ADAR: variants seen among roughly 807,000 people sequenced by gnomAD.
ADAR encodes adenosine deaminase RNA specific.
Under a neutral mutation model 113.2 loss-of-function variants are expected in ADAR, and 41 were observed. That is an observed-to-expected ratio of 0.36 (90% confidence interval 0.28 to 0.47). The LOEUF (loss-of-function observed/expected upper bound fraction) is 0.47. ADAR is among the 20% of genes least tolerant of loss of function. The probability of loss-of-function intolerance (pLI) is 1.00; values close to 1 mark genes in which losing one functional copy is unlikely to be tolerated. For missense variants in ADAR, 1,242 were observed against 1,540.9 expected (o/e 0.81, Z 3.25); for synonymous variants, 605 against 572.6 (o/e 1.06, Z -0.81).
rs764385471 is a variant in ADAR at position 154,602,050 on chromosome 1, C to T, written c.592G>A (p.Ala198Thr). ...EAGTPPLWKI[A>T]VSTQAWNQHS... ...TGGTTCCAAGCCTGAGTGGAGACCG[C>T]GATTTTCCACAAAGGGGGTGTTCCT... The change falls in exon 2 of 15, where the codon GCG becomes ACG. Residue 198 changes from alanine to threonine, a missense_variant. Coordinates refer to ENST00000368474, the MANE Select transcript of ADAR (RefSeq NM_001111.5). 40 of 1,614,092 alleles carry T rather than the reference C, an allele frequency of 2.5e-5. No individual in the cohort carries two copies. Among genetic ancestry groups the T allele is most frequent in the Middle Eastern group, 3.3e-4 (2 of 6,084 alleles).
In ADAR at chr1:154,624,485, G is replaced by GT. The variant is rs752819183; in HGVS notation, c.-871+3369dup. Among the ~76,000 whole-genome samples the GT allele has an allele frequency of 1.1e-4, 16 of 152,276 alleles. No individual in the cohort carries two copies. The East Asian group carries it at 1.7e-3, about 17-fold the overall frequency. ...TATATGGATGGGTTATATAAATTTT[G>GT]TATGTTCCTAATAGTTCACTATACA... On this transcript the variant is annotated intron_variant, in intron 1 of 14. Transcript: ENST00000368471.
chr1:154,602,428 G>A lies in ADAR; in HGVS notation c.214C>T (p.Arg72Trp), dbSNP rs761657434. ...GCAAGTAGTACTGGAAACCTTGGCC[G>A]GAGTCCTGGGAGGGAAGGTGGCAGT... The part of the protein sequence containing the change: ...PSLPPSLPGL[R>W]PRFPVLLASS... The change falls in exon 2 of 15, where the codon CGG (arginine) becomes TGG (tryptophan). Residue 72 changes from arginine to tryptophan, a missense_variant. Physicochemically the swap from Arg to Trp is moderately radical, Grantham distance 101 (BLOSUM62 -3). Around this residue, in one of 2 missense-constraint regions of ADAR, gnomAD observed 462 missense variants for 483.1 expected, o/e 0.96. Coordinates refer to ENST00000368474, the MANE Select transcript of ADAR (RefSeq NM_001111.5). 60 of 1,609,688 alleles carry A rather than the reference G, an allele frequency of 3.7e-5. No individual in the cohort carries two copies. The highest frequency in any genetic ancestry group is 6.6e-5 in the South Asian group (6 of 90,530).
At chr1:154,593,276 A>G (rs1697285582) in intron 6 of ADAR, among the ~76,000 whole-genome samples, 1 of 152,220 alleles carries the variant, frequency 6.6e-6, no homozygotes, top group African/African-American at 2.4e-5. Flanking sequence ...GAGATAGTTA[A>G]TAAACGTAGT....
chr1:154,612,077 G>A (rs1166229525), upstream of ADAR, among the ~76,000 whole-genome samples: 4 of 152,124 alleles, frequency 2.6e-5, no homozygotes, highest in East Asian at 7.7e-4. Context: ...ACCTTACTGC[G>A]TGCAGGGATA....
chr1:154,589,516 C>A (rs1479882831), intron 8 of ADAR, 54 bp from the exon 9 acceptor site: 1 of 1,490,010 alleles, frequency 6.7e-7, no homozygotes, highest in Non-Finnish European at 9.4e-7. Flanking sequence ...CGATGGAAAA[C>A]AGGATGAAGG....
chr1:154,609,821 TTAGC>T (rs1442085670), upstream of ADAR, among the ~76,000 whole-genome samples: 2 of 152,242 alleles, frequency 1.3e-5, no homozygotes, highest in Non-Finnish European at 2.9e-5. Flanking sequence ...GCGCCATCCT[TTAGC>T]TAGTCTGCTA....
At chr1:154,610,804 G>A (rs185094893), upstream of ADAR, among the ~76,000 whole-genome samples, 8 of 50,292 alleles carry the variant, frequency 1.6e-4, no homozygotes, top group Admixed American at 5.6e-4. Flanking sequence ...GCAAGACACC[G>A]TCTCAAAAAA....
chr1:154,590,135 A>AGGCGGGGGGGGGGGGGGGGGGGG, intron 7 of ADAR, 49 bp downstream of exon 7: 5 of 1,205,018 alleles, frequency 4.1e-6, no homozygotes, highest in Middle Eastern at 2.1e-4. Flanking sequence ...CTTAGGAGTT[A>AGGCGGGGGGGGGGGGGGGGGGGG]GGAGGACCCC....
chr1:154,612,840 C>A (rs1698527505), upstream of ADAR, among the ~76,000 whole-genome samples: 1 of 151,962 alleles, frequency 6.6e-6, no homozygotes, highest in South Asian at 2.1e-4. Flanking sequence ...GAGATAGAGT[C>A]TCGCTCTGTT....
chr1:154,605,848 T>C (rs1046835108), intron 1 of ADAR, among the ~76,000 whole-genome samples: 5 of 152,002 alleles, frequency 3.3e-5, no homozygotes, highest in African/African-American at 9.7e-5. Flanking sequence ...TTGAGTGACC[T>C]TGGGAAAAAA....
chr1:154,585,886 C>CAT, intron 12 of ADAR, 21 bp from the exon 13 acceptor site: 2 of 1,594,652 alleles, frequency 1.3e-6, no homozygotes, highest in African/African-American at 1.3e-5. Flanking sequence ...AAAAGAGAAA[C>CAT]ATATATACCT....
At chr1:154,588,454 T>C (rs1297510636) in intron 10 of ADAR, 97 bp downstream of exon 10, 1 of 1,562,250 alleles carries the variant, frequency 6.4e-7, no homozygotes, top group East Asian at 2.2e-5. Context: ...TGTGGCTTAT[T>C]GTATCAGGTT....
In ADAR at chr1:154,602,342, T is replaced by A; in HGVS notation, c.300A>T (p.Arg100Ser). Residue 100 changes from arginine to serine, a missense_variant, in exon 2 of 15, where the codon AGA (arginine) becomes AGT (serine). Coordinates refer to ENST00000368474, the MANE Select transcript of ADAR (RefSeq NM_001111.5). ...IRGVPRGVHLRSQGLQRGFQH... is the reference protein window; with the variant it reads ...IRGVPRGVHLSSQGLQRGFQH... ...GGAACCCTCTCTGGAGCCCCTGACT[T>A]CTGAGATGCACGCCCCTGGGGACAC... is the stretch of plus-strand genomic sequence containing the variant. 6.2e-7 allele frequency: 1 copy of A among 1,610,240 alleles called. No individual in the cohort carries two copies. Among genetic ancestry groups the A allele is most frequent in the South Asian group, 1.1e-5 (1 of 90,428 alleles).
intron 1 of ADAR, among the ~76,000 whole-genome samples, chr1:154,624,812 C>T (rs1698890276): frequency 1.3e-5 from 2 of 152,202 alleles, no homozygotes; most frequent in Non-Finnish European, 2.9e-5. Context: ...AGCCCAAAAG[C>T]TCAGATTCTG....
intron 6 of ADAR, among the ~76,000 whole-genome samples, chr1:154,592,236 T>A (rs3766925): frequency 0.22 from 33,042 of 151,974 alleles, 3,652 homozygotes; most frequent in Non-Finnish European, 0.22. Context: ...CTCTTCATCA[T>A]CCTTAAAGTC....
At position 154,583,336 on chromosome 1, in the gene ADAR, A is replaced by C. The variant is rs1696532664; in HGVS notation, c.*1470T>G. The C allele has an allele frequency of 6.6e-6, 1 of 152,208 alleles. No individual in the cohort carries two copies. Among genetic ancestry groups the C allele is most frequent in the African/African-American group, 2.4e-5 (1 of 41,446 alleles). 9.4% of individuals were successfully genotyped at this position (152,208 alleles called of 1,614,324 possible). A position where few individuals can be genotyped will look rare whatever the true frequency, so the allele number is the denominator to read the frequency against. On this transcript the variant is annotated 3_prime_UTR_variant, in exon 15 of 15. Transcript: ENST00000368474. ...CATGACCAACACTCTAAAAGCCAAC[A>C]AAGTCCCTTCAACATGAGTAAAGGA...
chr1:154,588,504 A>C (rs144280682), intron 10 of ADAR, 47 bp downstream of exon 10: 2 of 1,610,248 alleles, frequency 1.2e-6, no homozygotes, highest in Admixed American at 1.7e-5. Flanking sequence ...ACCCAATTCT[A>C]ACAGCCTGGC....
chr1:154,627,918 T>TCCCCCCCCCCCCCCCCCCCCC, exon 1 of ADAR: 9 of 399,604 alleles, frequency 2.3e-5, no homozygotes, highest in Non-Finnish European at 3.4e-5. Flanking sequence ...GCCGCGACCC[T>TCCCCCCCCCCCCCCCCCCCCC]CCCCCCACCC....
At position 154,602,223 on chromosome 1, in the gene ADAR, T is replaced by G. The variant is rs753539550; in HGVS notation, c.419A>C (p.Glu140Ala). 2.4e-5 allele frequency: 39 copies of G among 1,614,100 alleles called. No individual in the cohort carries two copies. The highest frequency in any genetic ancestry group is 3.1e-5 in the Non-Finnish European group (37 of 1,180,038). ...TTCCAGGAACTTTAAGATCCTTTGT[T>G]CCTGATCTTGGTAGATACTCAGTTC... ...FQELSIYQDQ[E>A]QRILKFLEEL... is the part of the protein sequence containing the mutation. The change falls in exon 2 of 15, where the codon GAA becomes GCA. Residue 140 changes from glutamate to alanine, a missense_variant. By Grantham distance (107) the Glu-to-Ala change is moderately radical. This residue lies in a region of ADAR where 462 missense variants were observed against 483.1 expected (regional missense o/e 0.96). Transcript: ENST00000368474.
Sources: allele counts gnomAD v4.1 joint callset (sites outside exome capture counted in the v4.1 genomes callset), GRCh38; gene constraint gnomAD v4.1.1; regional missense constraint gnomAD v4.1.1; transcripts MANE v1.5; gene names NCBI Gene and HGNC (gene_info 2026-07-23, HGNC 2026-07-21).